Variants in LRRC42 observed in about 807,000 individuals in gnomAD.
LRRC42 encodes leucine-rich repeat-containing protein 42.
A neutral mutation model predicts 44.3 loss-of-function variants in LRRC42; 43 were observed. The observed-to-expected ratio is 0.97, with a 90% CI of 0.76 to 1.25. LRRC42 has a LOEUF of 1.25. LRRC42 is among the 50% of genes most tolerant of loss of function. The pLI is 0.00. For missense variants in LRRC42, 540 were observed against 509.1 expected, an observed-to-expected ratio of 1.06 and a Z score of -0.58; for synonymous variants, 207 against 195.2, an observed-to-expected ratio of 1.06 and a Z score of -0.50.
intron 2 of LRRC42, among the ~76,000 whole-genome samples, chr1:53,951,426 CTGTT>C (rs1470663165): frequency 6.6e-6 from 1 of 152,140 alleles, no homozygotes; most frequent in Non-Finnish European, 1.5e-5. Flanking sequence ...ACCTGGGTTT[CTGTT>C]TGTTTTTTTT....
intron 3 of LRRC42, among the ~76,000 whole-genome samples, chr1:53,955,236 G>A (rs1252784231): frequency 6.6e-6 from 1 of 152,016 alleles, no homozygotes; most frequent in Non-Finnish European, 1.5e-5. Context: ...CAATGAAAGT[G>A]ATACATTATC....
chr1:53,953,550 G>A (rs1420770774), intron 3 of LRRC42, among the ~76,000 whole-genome samples: 6 of 151,694 alleles, frequency 4.0e-5, no homozygotes, highest in Admixed American at 6.6e-5. Flanking sequence ...TAGTAGAGAC[G>A]GGATTTCACC....
At chr1:53,960,833 T>TA (rs1182533831) in intron 5 of LRRC42, among the ~76,000 whole-genome samples, 2 of 152,222 alleles carry the variant, frequency 1.3e-5, no homozygotes, top group East Asian at 3.8e-4. Context: ...GGTCCTTTTT[T>TA]ATCAGTGTTT....
At chr1:53,962,463 A>G (rs932982877) in intron 7 of LRRC42, 54 bp downstream of exon 7, 1 of 1,094,052 alleles carries the variant, frequency 9.1e-7, no homozygotes, top group African/African-American at 1.5e-5. Flanking sequence ...CTTAATTCCA[A>G]GTGTCTTATC....
intron 8 of LRRC42, 99 bp downstream of exon 8, chr1:53,966,479 A>G: frequency 2.6e-6 from 2 of 779,612 alleles, no homozygotes; most frequent in Admixed American, 2.1e-5. Context: ...TTATGATAGT[A>G]TTGGCTTATT....
chr1:53,967,630 T>G, intron 8 of LRRC42, 35 bp from the exon 9 acceptor site: 1 of 1,598,872 alleles, frequency 6.3e-7, no homozygotes, highest in South Asian at 1.1e-5. Context: ...CATATGCCAG[T>G]GTAGTGAACT....
At chr1:53,947,727 A>T (rs1654554984) in intron 1 of LRRC42, 61 bp from the exon 2 acceptor site, 1 of 152,112 alleles carries the variant, frequency 6.6e-6, no homozygotes, top group Non-Finnish European at 1.5e-5. Flanking sequence ...CTTTCCCCAG[A>T]TGTGCACTGT....
chr1:53,965,227 C>A (rs539214033), intron 7 of LRRC42, among the ~76,000 whole-genome samples: 22 of 151,822 alleles, frequency 1.4e-4, no homozygotes, highest in Non-Finnish European at 2.4e-4. Flanking sequence ...TCCTGTGATC[C>A]GCCTGCCTCG....
At chr1:53,952,538 T>A (rs1158056402) in intron 3 of LRRC42, 66 bp downstream of exon 3, 1 of 1,370,466 alleles carries the variant, frequency 7.3e-7, no homozygotes, top group East Asian at 2.3e-5. Context: ...GCTCTGGGGC[T>A]TAGTGGGCTC....
chr1:53,964,495 C>A (rs770977825), intron 7 of LRRC42, among the ~76,000 whole-genome samples: 16 of 152,180 alleles, frequency 1.1e-4, no homozygotes, highest in Non-Finnish European at 2.1e-4. Flanking sequence ...TCTTCCCCAT[C>A]CCCGACCAGC....
rs539054104 is a variant in LRRC42 at position 53,953,806 on chromosome 1, A to C, written c.473+1334A>C. The stretch of plus-strand genomic sequence containing the variant: ...GAGTGCAATGGCGCGATCTCAGCTC[A>C]CTGCAACCTCCACCTCCCAGGTTCA... On this transcript the variant is annotated intron_variant, in intron 3 of 8. Coordinates refer to ENST00000371370, the MANE Select transcript of LRRC42 (RefSeq NM_001256409.2). 2.0e-5 allele frequency among the ~76,000 whole-genome samples: 3 copies of C among 150,840 alleles called. No individual in the cohort carries two copies. The South Asian group carries it at 6.3e-4, about 32-fold the overall frequency.
At chr1:53,956,824 G>A (rs1345416041) in intron 3 of LRRC42, among the ~76,000 whole-genome samples, 1 of 152,196 alleles carries the variant, frequency 6.6e-6, no homozygotes, top group African/African-American at 2.4e-5. Flanking sequence ...TTGGTTAATT[G>A]ATCAAAGTAT....
At chr1:53,959,640 C>A (rs1289713780) in intron 4 of LRRC42, among the ~76,000 whole-genome samples, 2 of 152,220 alleles carry the variant, frequency 1.3e-5, no homozygotes, top group African/African-American at 4.8e-5. Context: ...AACTGAAAAT[C>A]TAGATTGATA....
In LRRC42 at chr1:53,966,312, A is replaced by T; in HGVS notation, c.944A>T (p.Glu315Val). 1 of 1,613,382 alleles carries T rather than the reference A, an allele frequency of 6.2e-7. No homozygotes were observed. ...ATGTTTCAGATCGTTCTGCAGTGGG[A>T]GCGTGTGACTGCGGAAGCTGTGAAG... is the stretch of plus-strand genomic sequence containing the variant. ...GWADQIVLQW[E>V]RVTAEAVKPR... Residue 315 changes from glutamate (E) to valine (V), a missense_variant, in exon 8 of 9, where the codon GAG becomes GTG. Transcript: ENST00000371370.
intron 5 of LRRC42, among the ~76,000 whole-genome samples, chr1:53,960,925 C>A (rs1654977725): frequency 6.6e-6 from 1 of 152,146 alleles, no homozygotes. Flanking sequence ...TGACAGAGAT[C>A]ATTTACAATT....
In LRRC42 at chr1:53,954,977, C is replaced by T. The variant is rs367599132; in HGVS notation, c.473+2505C>T. 5.9e-5 allele frequency among the ~76,000 whole-genome samples: 9 copies of T among 152,268 alleles called. No homozygotes were observed. The East Asian group carries it at 9.6e-4, about 16-fold the overall frequency. ...TTACATAAGAGTGTTCATTGTAGTACTGTTTGTACAAGTGAAAATCTAAAA... is the reference window on the plus strand; with the variant it reads ...TTACATAAGAGTGTTCATTGTAGTATTGTTTGTACAAGTGAAAATCTAAAA... On this transcript the variant is annotated intron_variant, in intron 3 of 8. Coordinates refer to ENST00000371370, the MANE Select transcript of LRRC42 (RefSeq NM_001256409.2).
intron 2 of LRRC42, among the ~76,000 whole-genome samples, chr1:53,951,250 AC>A (rs1222873605): frequency 1.3e-5 from 2 of 152,266 alleles, no homozygotes; most frequent in Non-Finnish European, 2.9e-5. Context: ...ATTCCATGGT[AC>A]GTGTAAGTCA....
intron 7 of LRRC42, among the ~76,000 whole-genome samples, chr1:53,962,983 G>A (rs940339868): frequency 6.6e-6 from 1 of 152,100 alleles, no homozygotes; most frequent in Non-Finnish European, 1.5e-5. Flanking sequence ...GAGATTCAGA[G>A]TCTTCTATGT....
At chr1:53,957,683 C>G (rs533501160) in intron 3 of LRRC42, among the ~76,000 whole-genome samples, 1 of 152,262 alleles carries the variant, frequency 6.6e-6, no homozygotes, top group Admixed American at 6.5e-5. Flanking sequence ...TTGGTATGTT[C>G]TTGGGGACAT....
Sources: gnomAD v4.1 joint callset for allele counts (sites outside exome capture counted in the v4.1 genomes callset) on GRCh38, gnomAD v4.1.1 for gene constraint, MANE v1.5 for transcripts, NCBI Gene and HGNC (gene_info 2026-07-23, HGNC 2026-07-21) for gene names.